Variants in NPTN observed in about 807,000 individuals in gnomAD.
NPTN encodes neuroplastin.
Under a neutral mutation model 42.7 loss-of-function variants are expected in NPTN, and 5 were observed. The observed-to-expected ratio is 0.12, with a 90% CI of 0.06 to 0.25. NPTN has a LOEUF of 0.25. Among genes scored for constraint, NPTN ranks in the 10% least tolerant of loss-of-function variants. NPTN has a pLI of 1.00. For missense variants in NPTN, 307 were observed against 525.4 expected (o/e 0.58, Z 4.06); for synonymous variants, 180 against 201.9 (o/e 0.89, Z 0.92).
At chr15:73,630,740 T>C (rs1383086673) in intron 1 of NPTN, among the ~76,000 whole-genome samples, 3 of 152,250 alleles carry the variant, frequency 2.0e-5, no homozygotes, top group Non-Finnish European at 4.4e-5. Context: ...CATTTCAACA[T>C]CATGCACAAG....
rs1330413918 is a variant in NPTN at position 73,587,557 on chromosome 15, C to T, written c.673G>A (p.Ala225Thr). 8 of 1,613,862 alleles carry T rather than the reference C, an allele frequency of 5.0e-6. No homozygotes were observed. In the South Asian group the frequency reaches 7.7e-5, roughly 16 times the overall value. The change falls in exon 4 of 9, where the codon GCT becomes ACT. Residue 225 changes from alanine to threonine, a missense_variant. Transcript: ENST00000345330. ...TCAATGGTGGCGTTTGCTTTAGGAGCGCTGACAAAGTGATATACGCAGTGG... is the reference window on the plus strand; with the variant it reads ...TCAATGGTGGCGTTTGCTTTAGGAGTGCTGACAAAGTGATATACGCAGTGG... Reference protein sequence around the residue: ...EYHCVYHFVSAPKANATIEVK... With the variant: ...EYHCVYHFVSTPKANATIEVK...
At chr15:73,571,605 A>G (rs1895392591) in intron 5 of NPTN, among the ~76,000 whole-genome samples, 1 of 152,164 alleles carries the variant, frequency 6.6e-6, no homozygotes, top group Admixed American at 6.5e-5. Flanking sequence ...CAGTGCAGGC[A>G]GGGATTCGCA....
chr15:73,562,126 A>G (rs1894712654), intron 7 of NPTN, among the ~76,000 whole-genome samples, 156 bp from the exon 8 acceptor site: 1 of 152,228 alleles, frequency 6.6e-6, no homozygotes, highest in Non-Finnish European at 1.5e-5. Context: ...ACATTCCTTA[A>G]GTAGCTACAG....
At chr15:73,572,444 G>A (rs939796804) in intron 5 of NPTN, among the ~76,000 whole-genome samples, 3 of 152,202 alleles carry the variant, frequency 2.0e-5, no homozygotes, top group African/African-American at 7.2e-5. Context: ...TCATCCCACT[G>A]ATCGGAAAAG....
In NPTN at chr15:73,617,317, T is replaced by C. The variant is rs573047103; in HGVS notation, c.91+15808A>G. On this transcript the variant is annotated intron_variant, in intron 1 of 8. Coordinates refer to ENST00000345330, the MANE Select transcript of NPTN (RefSeq NM_012428.4). ...ACCAAAGTATTATTTGAAGTTATCA[T>C]GTAAGCAAATCCTTTCATAATTTTT... is the stretch of plus-strand genomic sequence containing the variant. Among the ~76,000 whole-genome samples the C allele has an allele frequency of 2.0e-5, 3 of 152,372 alleles. No individual in the cohort carries two copies. The East Asian group carries it at 5.8e-4, about 29-fold the overall frequency.
chr15:73,611,017 T>C (rs1595954142), intron 1 of NPTN, among the ~76,000 whole-genome samples: 1 of 152,354 alleles, frequency 6.6e-6, no homozygotes, highest in Admixed American at 6.5e-5. Flanking sequence ...ATATGGACCA[T>C]ATGGACAATG....
chr15:73,619,062 C>CAA lies in NPTN; in HGVS notation c.91+14061_91+14062dup, dbSNP rs61683372. 8.3e-3 allele frequency among the ~76,000 whole-genome samples: 508 copies of CAA among 61,104 alleles called. 2 individuals are homozygous for CAA. The highest frequency in any genetic ancestry group is 0.025 in the African/African-American group (478 of 19,480). The allele number at this position is 61,104 out of a possible 152,430, so 40.1% of individuals were successfully genotyped here. On this transcript the variant is annotated intron_variant, in intron 1 of 8. Transcript: ENST00000345330. ...CAAACACAGCAGCAAGACCCTGTCT[C>CAA]AAAAAAAAAAAAAAAAAAATAGTAA... is the stretch of plus-strand genomic sequence containing the variant.
intron 1 of NPTN, among the ~76,000 whole-genome samples, chr15:73,606,561 CA>C (rs1376795195): frequency 6.6e-6 from 1 of 152,140 alleles, no homozygotes; most frequent in African/African-American, 2.4e-5. Flanking sequence ...GAAACCCTTA[CA>C]TATTTAAGCA....
At chr15:73,629,158 C>A (rs1279746625) in intron 1 of NPTN, among the ~76,000 whole-genome samples, 1 of 152,148 alleles carries the variant, frequency 6.6e-6, no homozygotes, top group Admixed American at 6.5e-5. Flanking sequence ...CCTCCCAGAC[C>A]GAACCAATTT....
intron 1 of NPTN, among the ~76,000 whole-genome samples, chr15:73,631,051 A>G (rs1898710789): frequency 6.6e-6 from 1 of 152,242 alleles, no homozygotes; most frequent in Non-Finnish European, 1.5e-5. Context: ...TGCTGTATTT[A>G]GAACACATAT....
chr15:73,595,857 A>G (rs759357373), intron 2 of NPTN, among the ~76,000 whole-genome samples: 1 of 152,006 alleles, frequency 6.6e-6, no homozygotes, highest in East Asian at 1.9e-4. Flanking sequence ...ACTTTCAAGA[A>G]AGAGAGAGAA....
At chr15:73,615,965 G>A (rs768800653) in intron 1 of NPTN, among the ~76,000 whole-genome samples, 6 of 151,994 alleles carry the variant, frequency 3.9e-5, no homozygotes, top group Non-Finnish European at 5.9e-5. Context: ...TTCAAAACTC[G>A]GGTAAGTGAC....
chr15:73,585,605 C>G (rs1896279101), intron 4 of NPTN, among the ~76,000 whole-genome samples: 1 of 152,150 alleles, frequency 6.6e-6, no homozygotes, highest in Non-Finnish European at 1.5e-5. Flanking sequence ...TCTTTTCTAT[C>G]CAGGTGTTGG....
intron 3 of NPTN, among the ~76,000 whole-genome samples, chr15:73,590,754 CCT>C (rs1422006056): frequency 8.6e-5 from 13 of 152,030 alleles, no homozygotes; most frequent in African/African-American, 3.1e-4. Flanking sequence ...AGAACGAGAC[CCT>C]GTCTCAATAA....
At chr15:73,567,428 G>A in intron 6 of NPTN, 1 of 985,370 alleles carries the variant, frequency 1.0e-6, no homozygotes, top group Non-Finnish European at 1.2e-6. Flanking sequence ...CCAAGTTTGT[G>A]TCAAATATAA....
chr15:73,626,157 G>A (rs114086799), intron 1 of NPTN, among the ~76,000 whole-genome samples: 2,024 of 152,274 alleles, frequency 0.013, 53 homozygotes, highest in African/African-American at 0.046. Context: ...GTGTTTCATT[G>A]TCTCTTTATT....
intron 4 of NPTN, among the ~76,000 whole-genome samples, chr15:73,580,782 A>AT (rs1896001759): frequency 6.6e-6 from 1 of 151,934 alleles, no homozygotes; most frequent in East Asian, 1.9e-4. Context: ...AGCAGAACCT[A>AT]TTTACCTGTC....
At chr15:73,572,337 T>C (rs530813758) in intron 5 of NPTN, among the ~76,000 whole-genome samples, 7 of 152,192 alleles carry the variant, frequency 4.6e-5, no homozygotes, top group Non-Finnish European at 1.5e-5. Flanking sequence ...AGAGGAACGC[T>C]TGACACGCTC....
At chr15:73,593,779 C>T (rs1048667614) in intron 2 of NPTN, among the ~76,000 whole-genome samples, 3 of 152,222 alleles carry the variant, frequency 2.0e-5, no homozygotes, top group Non-Finnish European at 4.4e-5. Context: ...TAACGGTTAT[C>T]TTCCATTCAG....
Sources: allele counts gnomAD v4.1 joint callset (sites outside exome capture counted in the v4.1 genomes callset), GRCh38; gene constraint gnomAD v4.1.1; transcripts MANE v1.5; gene names NCBI Gene and HGNC (gene_info 2026-07-23, HGNC 2026-07-21).